Variants in MGAT4C observed in about 807,000 individuals in gnomAD.
MGAT4C encodes the protein alpha-1,3-mannosyl-glycoprotein 4-beta-N-acetylglucosaminyltransferase C.
In MGAT4C, 19 loss-of-function variants were observed where a neutral mutation model predicts 40.1. The ratio of observed to expected loss-of-function variants is 0.47; its 90% CI spans 0.33 to 0.70. MGAT4C has a LOEUF of 0.70. Among genes scored for constraint, MGAT4C ranks in the 30% least tolerant of loss-of-function variants. MGAT4C has a pLI of 0.02. For missense variants in MGAT4C, 491 were observed against 563.2 expected (o/e 0.87, Z 1.30); for synonymous variants, 181 against 187.1 (o/e 0.97, Z 0.27).
chr12:86,422,600 A>C (rs1157689372), intron 3 of MGAT4C, among the ~76,000 whole-genome samples: 1 of 152,178 alleles, frequency 6.6e-6, no homozygotes, highest in African/African-American at 2.4e-5. Context: ...TTTTAAAATC[A>C]ATTTTCATGC....
At chr12:86,776,057 T>A (rs1951743809) in intron 1 of MGAT4C, among the ~76,000 whole-genome samples, 1 of 152,062 alleles carries the variant, frequency 6.6e-6, no homozygotes, top group African/African-American at 2.4e-5. Context: ...TATAAATACC[T>A]GAACTAAAGT....
At chr12:86,512,711 G>A (rs1325038727) in intron 2 of MGAT4C, among the ~76,000 whole-genome samples, 1 of 152,058 alleles carries the variant, frequency 6.6e-6, no homozygotes, top group African/African-American at 2.4e-5. Context: ...CCATTTATAT[G>A]AGGTATCTAA....
chr12:86,274,879 G>A (rs1210688675), intron 4 of MGAT4C, among the ~76,000 whole-genome samples: 1 of 152,150 alleles, frequency 6.6e-6, no homozygotes, highest in Non-Finnish European at 1.5e-5. Context: ...GGAAGAGTGT[G>A]AGAAAAGTGG....
At chr12:86,317,249 G>A (rs888755975) in intron 4 of MGAT4C, among the ~76,000 whole-genome samples, 2 of 152,076 alleles carry the variant, frequency 1.3e-5, no homozygotes, top group African/African-American at 4.8e-5. Flanking sequence ...ACTACAGATG[G>A]CAGAGGCTGT....
intron 1 of MGAT4C, among the ~76,000 whole-genome samples, chr12:86,800,768 C>G (rs1225226297): frequency 6.6e-6 from 1 of 151,894 alleles, no homozygotes; most frequent in Non-Finnish European, 1.5e-5. Context: ...AAGAGCCTGA[C>G]AAAGACTTTC....
chr12:86,082,618 A>C (rs1470016632), intron 1 of MGAT4C, among the ~76,000 whole-genome samples: 1 of 152,168 alleles, frequency 6.6e-6, no homozygotes, highest in Non-Finnish European at 1.5e-5. Context: ...TGTAAGTTTC[A>C]GCACAAAATG....
intron 3 of MGAT4C, among the ~76,000 whole-genome samples, chr12:86,427,019 C>G (rs1372450324): frequency 6.6e-6 from 1 of 152,084 alleles, no homozygotes; most frequent in Non-Finnish European, 1.5e-5. Context: ...CCTCTTACAC[C>G]ATTGTCCTAT....
At chr12:86,804,445 T>G (rs139617613) in intron 1 of MGAT4C, among the ~76,000 whole-genome samples, 2,312 of 147,364 alleles carry the variant, frequency 0.016, 52 homozygotes, top group African/African-American at 0.051. Context: ...AATAAATAAA[T>G]AAAGAAAGAA....
chr12:86,452,063 G>A (rs1957431853), intron 2 of MGAT4C, among the ~76,000 whole-genome samples: 1 of 151,938 alleles, frequency 6.6e-6, no homozygotes, highest in Non-Finnish European at 1.5e-5. Context: ...TTACTGGCCA[G>A]TAGAAACTCG....
At chr12:85,988,056 T>A (rs1013856507) in intron 3 of MGAT4C, among the ~76,000 whole-genome samples, 4 of 152,210 alleles carry the variant, frequency 2.6e-5, no homozygotes, top group African/African-American at 9.6e-5. Flanking sequence ...TAATAGGTTT[T>A]AAAAATATTC....
chr12:86,703,942 C>A (rs1399645446), intron 2 of MGAT4C, among the ~76,000 whole-genome samples: 1 of 152,112 alleles, frequency 6.6e-6, no homozygotes, highest in African/African-American at 2.4e-5. Context: ...GCTCCAGAAG[C>A]AACAGTCCTA....
chr12:86,310,521 T>TA (rs1053823715), intron 4 of MGAT4C, among the ~76,000 whole-genome samples: 1 of 151,882 alleles, frequency 6.6e-6, no homozygotes, highest in Non-Finnish European at 1.5e-5. Flanking sequence ...GACAACTCAT[T>TA]AAAAAAAAGT....
At position 86,600,482 on chromosome 12, in the gene MGAT4C, G is replaced by A. The variant is rs74455988; in HGVS notation, c.-229+126727C>T. On this transcript the variant is annotated intron_variant, in intron 2 of 7. Coordinates refer to the MGAT4C transcript ENST00000548651. ...AAGAGAACATATTTGAGTTGTGGAA[G>A]AATGTCAGCAGGGAAATTAATTAGG... is the stretch of plus-strand genomic sequence containing the variant. Among the ~76,000 whole-genome samples the A allele has an allele frequency of 0.017, 2,531 of 152,304 alleles. 146 individuals are homozygous for A. In the East Asian group the frequency reaches 0.19, roughly 11 times the overall value.
chr12:86,519,862 T>C (rs933825333), intron 2 of MGAT4C, among the ~76,000 whole-genome samples: 3 of 152,126 alleles, frequency 2.0e-5, no homozygotes, highest in East Asian at 1.9e-4. Context: ...GTTATTACTT[T>C]ACTTCTTTTC....
chr12:86,425,499 A>C (rs973323639), intron 3 of MGAT4C, among the ~76,000 whole-genome samples: 15 of 152,216 alleles, frequency 9.9e-5, no homozygotes, highest in Admixed American at 3.3e-4. Context: ...CTCTGCAGCC[A>C]TGCAGAACTG....
intron 1 of MGAT4C, among the ~76,000 whole-genome samples, chr12:86,254,203 C>A (rs2136083244): frequency 6.6e-6 from 1 of 151,994 alleles, no homozygotes; most frequent in Middle Eastern, 3.4e-3. Flanking sequence ...TCATTGATGT[C>A]CTCTCTTAAA....
intron 2 of MGAT4C, among the ~76,000 whole-genome samples, chr12:86,566,288 C>G (rs2136415260): frequency 6.6e-6 from 1 of 151,636 alleles, no homozygotes; most frequent in East Asian, 2.0e-4. Flanking sequence ...TGGGTGGGCA[C>G]AATCTAATCC....
At chr12:86,221,700 G>A (rs138920759) in intron 1 of MGAT4C, among the ~76,000 whole-genome samples, 1 of 152,268 alleles carries the variant, frequency 6.6e-6, no homozygotes, top group African/African-American at 2.4e-5. Flanking sequence ...ATCAGACCAT[G>A]TCCATATAAA....
intron 2 of MGAT4C, among the ~76,000 whole-genome samples, chr12:86,625,252 C>A (rs901883716): frequency 7.9e-5 from 12 of 151,994 alleles, no homozygotes; most frequent in Non-Finnish European, 1.5e-5. Context: ...CATCCCTAGC[C>A]GTGCAGAACT....
Sources: gnomAD v4.1 joint callset for allele counts (sites outside exome capture counted in the v4.1 genomes callset) on GRCh38, gnomAD v4.1.1 for gene constraint, MANE v1.5 for transcripts, NCBI Gene and HGNC (gene_info 2026-07-23, HGNC 2026-07-21) for gene names.